Variants in REXO5 observed in about 807,000 individuals in gnomAD.
REXO5 encodes exonuclease NEF-sp.
Under a neutral mutation model 88.5 loss-of-function variants are expected in REXO5, and 48 were observed. That is an observed-to-expected ratio of 0.54 (90% CI 0.43 to 0.69). REXO5 has a LOEUF of 0.69. Ranked by LOEUF, REXO5 falls within the 30% of genes least tolerant of loss-of-function variation. The pLI, the probability that REXO5 is intolerant of heterozygous loss-of-function variation, is 0.00. For missense variants in REXO5, 749 were observed against 912.2 expected, an observed-to-expected ratio of 0.82 and a Z score of 2.30; for synonymous variants, 311 against 336.5, an observed-to-expected ratio of 0.92 and a Z score of 0.83.
intron 13 of REXO5, among the ~76,000 whole-genome samples, chr16:20,833,579 A>G (rs1225216027): frequency 6.6e-6 from 1 of 152,140 alleles, no homozygotes; most frequent in East Asian, 1.9e-4. Context: ...ACCTTACAGA[A>G]AGCGTGCATG....
At chr16:20,816,988 G>A (rs2245256) in intron 5 of REXO5, among the ~76,000 whole-genome samples, 104,109 of 152,100 alleles carry the variant, frequency 0.68, 36,097 homozygotes, top group Non-Finnish European at 0.73. Flanking sequence ...GTGTCCTATT[G>A]GTAAGTTATA....
intron 13 of REXO5, among the ~76,000 whole-genome samples, chr16:20,839,172 T>A (rs1382198589): frequency 6.6e-6 from 1 of 152,188 alleles, no homozygotes; most frequent in East Asian, 1.9e-4. Flanking sequence ...CACAGCAGTG[T>A]CTCCAAGGAG....
chr16:20,841,823 C>T (rs1174222459), intron 15 of REXO5, among the ~76,000 whole-genome samples: 1 of 152,028 alleles, frequency 6.6e-6, no homozygotes, highest in Non-Finnish European at 1.5e-5. Context: ...CCAGGCTGGT[C>T]GCGAACTCCT....
intron 2 of REXO5, 91 bp downstream of exon 2, chr16:20,807,182 C>A: frequency 1.4e-6 from 2 of 1,460,182 alleles, no homozygotes; most frequent in South Asian, 2.7e-5. Flanking sequence ...TGGATTCGGG[C>A]GGGCTCTCCG....
intron 12 of REXO5, among the ~76,000 whole-genome samples, chr16:20,832,515 T>G (rs1008972804): frequency 2.0e-5 from 3 of 147,650 alleles, no homozygotes; most frequent in Non-Finnish European, 4.5e-5. Context: ...AAAGAAAAAA[T>G]AATTGGAATA....
chr16:20,824,556 G>T (rs1329175108), intron 7 of REXO5, 29 bp downstream of exon 7: 2 of 1,383,666 alleles, frequency 1.4e-6, no homozygotes, highest in South Asian at 2.3e-5. Flanking sequence ...TTTTCAATTG[G>T]AGTGTTGCAA....
In REXO5 at chr16:20,843,981, C is replaced by G. The variant is rs545161583; in HGVS notation, c.1674C>G (p.Ala558=). The G allele has an allele frequency of 6.2e-7, 1 of 1,608,474 alleles. No homozygotes were observed. Among genetic ancestry groups the G allele is most frequent in the South Asian group, 1.1e-5 (1 of 90,962 alleles). ...QYEVLEAAQL[A]IESLDGILVD... ...AAGTCCTAGAAGCTGCCCAGCTGGC[C>G]ATAGAATCCTTGGATGGTATTCTGG... Residue 558 remains alanine (A), a synonymous_variant, in exon 16 of 20, where the codon GCC becomes GCG. Coordinates refer to ENST00000261377, the MANE Select transcript of REXO5 (RefSeq NM_030941.3).
rs1567410859 is a variant in REXO5, at chr16:20,844,045, G to C, written c.1719+19G>C. The stretch of plus-strand genomic sequence containing the variant: ...CATCAAGGTAGGGTGACAAGAGAAA[G>C]CCCCCTTTGCTTGGGTCTGGCCTAC... On this transcript the variant is annotated intron_variant, in intron 16 of 19. Coordinates refer to ENST00000261377, the MANE Select transcript of REXO5 (RefSeq NM_030941.3). 2 of 1,489,942 alleles carry C rather than the reference G, an allele frequency of 1.3e-6. No homozygotes were observed. The highest frequency in any genetic ancestry group is 2.3e-5 in the South Asian group (2 of 88,458). The allele number at this position is 1,489,942 out of a possible 1,614,324, so 92.3% of individuals were successfully genotyped here.
At chr16:20,826,945 T>C (rs2081267902) in intron 8 of REXO5, 113 bp from the exon 9 acceptor site, 1 of 1,024,524 alleles carries the variant, frequency 9.8e-7, no homozygotes, top group African/African-American at 1.6e-5. Context: ...CTTTGGACAC[T>C]AAGCATATAT....
intron 6 of REXO5, chr16:20,823,449 T>C (rs2081216138): frequency 6.6e-6 from 1 of 152,164 alleles, no homozygotes; most frequent in Admixed American, 6.5e-5. Context: ...TATAACCATC[T>C]TTTTCTTGAG....
Position 20,806,609 on chromosome 16 carries a change from TG to T in REXO5, c.-95del, listed in dbSNP as rs1021603870. 2.6e-5 allele frequency: 37 copies of T among 1,405,354 alleles called. No homozygotes were observed. Among genetic ancestry groups the T allele is most frequent in the Non-Finnish European group, 3.3e-5 (35 of 1,069,568 alleles). 87.1% of individuals were successfully genotyped at this position (1,405,354 alleles called of 1,614,324 possible). On this transcript the variant is annotated 5_prime_UTR_variant, in exon 1 of 20. Coordinates refer to ENST00000261377, the MANE Select transcript of REXO5 (RefSeq NM_030941.3). ...TCTGCGTTTCCCGGGCTAGGGGGCG[TG>T]GGGAGTGGTTTTAGGCGGCGAAGCC... is the stretch of plus-strand genomic sequence containing the variant.
chr16:20,845,198 G>A lies in REXO5; in HGVS notation c.2081G>A (p.Gly694Glu), dbSNP rs770895406. Residue 694 changes from glycine to glutamate, a missense_variant, in exon 18 of 20, where the codon GGG (glycine) becomes GAG (glutamate). Coordinates refer to ENST00000261377, the MANE Select transcript of REXO5 (RefSeq NM_030941.3). Reference sequence around the variant, plus strand: ...CCACCTGAATCAACAAGGCTCCCAGGGCTTCGTGTTGTACCTCCCCCCTTT... The same window carrying A: ...CCACCTGAATCAACAAGGCTCCCAGAGCTTCGTGTTGTACCTCCCCCCTTT... ...GLPPESTRLP[G>E]LRVVPPPFEQ... is the part of the protein sequence containing the mutation. The A allele has an allele frequency of 6.2e-7, 1 of 1,613,810 alleles. No individual in the cohort carries two copies. The highest frequency in any genetic ancestry group is 8.5e-7 in the Non-Finnish European group (1 of 1,179,916).
chr16:20,829,666 T>C (rs1418756106), intron 11 of REXO5, among the ~76,000 whole-genome samples: 2 of 152,228 alleles, frequency 1.3e-5, no homozygotes, highest in African/African-American at 4.8e-5. Flanking sequence ...TGTTCTAAAA[T>C]GCTGTATATA....
intron 2 of REXO5, among the ~76,000 whole-genome samples, chr16:20,811,057 G>C (rs186781553): frequency 1.3e-5 from 2 of 152,126 alleles, no homozygotes; most frequent in Admixed American, 6.5e-5. Flanking sequence ...TCCTGTATGG[G>C]TGACGTCCTT....
At chr16:20,820,545 T>TATATATATATATA (rs1491420198) in intron 5 of REXO5, among the ~76,000 whole-genome samples, 38 of 12,346 alleles carry the variant, frequency 3.1e-3, no homozygotes, top group East Asian at 9.1e-3. Context: ...TATATATATA[T>TATATATATATATA]TTTTTTTTTT....
chr16:20,841,265 C>T (rs2081523511), intron 15 of REXO5, among the ~76,000 whole-genome samples: 1 of 152,004 alleles, frequency 6.6e-6, no homozygotes, highest in Admixed American at 6.5e-5. Flanking sequence ...ATAACAATAC[C>T]ATATCAATAG....
chr16:20,819,164 A>G (rs2081126849), intron 5 of REXO5, among the ~76,000 whole-genome samples: 1 of 151,168 alleles, frequency 6.6e-6, no homozygotes, highest in Non-Finnish European at 1.5e-5. Flanking sequence ...TTTTTATCTG[A>G]TCTATCATTT....
At chr16:20,838,826 T>C (rs1567406305) in intron 13 of REXO5, among the ~76,000 whole-genome samples, 1 of 152,146 alleles carries the variant, frequency 6.6e-6, no homozygotes, top group African/African-American at 2.4e-5. Context: ...TCCCCTCTTT[T>C]TTTTCCATCC....
intron 13 of REXO5, among the ~76,000 whole-genome samples, chr16:20,836,389 T>C (rs1238766620): frequency 6.6e-6 from 1 of 152,204 alleles, no homozygotes; most frequent in East Asian, 1.9e-4. Context: ...AGTATATAGC[T>C]TTTTCAGACT....
Sources: allele counts gnomAD v4.1 joint callset (sites outside exome capture counted in the v4.1 genomes callset), GRCh38; gene constraint gnomAD v4.1.1; transcripts MANE v1.5; gene names NCBI Gene and HGNC (gene_info 2026-07-23, HGNC 2026-07-21).